The following DNAI3 variants were observed in gnomAD, a reference collection of about 807,000 sequenced individuals.
DNAI3 encodes dynein axonemal intermediate chain 3.
Under a neutral mutation model 115.5 loss-of-function variants are expected in DNAI3, and 83 were observed. The observed-to-expected ratio is 0.72, with a 90% CI of 0.60 to 0.86. DNAI3 has a LOEUF of 0.86. Among genes scored for constraint, DNAI3 ranks in the 40% least tolerant of loss-of-function variants. DNAI3 has a pLI of 0.00. For missense variants in DNAI3, 1,004 were observed against 1,075.8 expected, an observed-to-expected ratio of 0.93 and a Z score of 0.93; for synonymous variants, 320 against 347.0, an observed-to-expected ratio of 0.92 and a Z score of 0.86.
rs1386147824 is a variant in DNAI3, at chr1:85,097,649, A to G, written c.1344A>G (p.Thr448=). The G allele has an allele frequency of 1.2e-6, 2 of 1,610,430 alleles. No homozygotes were observed. The highest frequency in any genetic ancestry group is 2.2e-5 in the East Asian group (1 of 44,786). Reference sequence around the variant, plus strand: ...GTGGTAGTAGAAGTAAAAGAGCCACACTGAAGGTAAGCTTTTTACAACATT... The same window carrying G: ...GTGGTAGTAGAAGTAAAAGAGCCACGCTGAAGGTAAGCTTTTTACAACATT... The part of the protein sequence containing the change: ...KAGGSRSKRA[T]LKPMFLLEPE... Residue 448 remains threonine, a synonymous_variant, in exon 12 of 23, where the codon ACA becomes ACG. Transcript: ENST00000294664.
At chr1:85,124,077 A>G (rs1382575573) in intron 18 of DNAI3, 44 bp from the exon 19 acceptor site, 1 of 1,611,734 alleles carries the variant, frequency 6.2e-7, no homozygotes, top group Non-Finnish European at 8.5e-7. Flanking sequence ...CAGGAATGCA[A>G]ACAGTGTTAT....
intron 20 of DNAI3, among the ~76,000 whole-genome samples, chr1:85,128,125 C>CAAAAAAAA (rs11344833): frequency 4.2e-4 from 27 of 64,374 alleles, no homozygotes; most frequent in East Asian, 1.0e-3. Flanking sequence ...GACCCTGTCT[C>CAAAAAAAA]AAAAAAAAAA....
At chr1:85,117,622 G>C (rs1331372266) in intron 16 of DNAI3, 107 bp from the exon 17 acceptor site, 11 of 1,467,040 alleles carry the variant, frequency 7.5e-6, no homozygotes, top group Non-Finnish European at 9.3e-6. Flanking sequence ...ATTGGGAAGG[G>C]AATGGGGCAA....
At chr1:85,073,492 A>T (rs537813948) in intron 3 of DNAI3, among the ~76,000 whole-genome samples, 1 of 152,352 alleles carries the variant, frequency 6.6e-6, no homozygotes, top group African/African-American at 2.4e-5. Context: ...TAAGCAAATA[A>T]CTAGAACTTA....
At position 85,124,257 on chromosome 1, in the gene DNAI3, T is replaced by C. The variant is rs199612763; in HGVS notation, c.2112+6T>C. ...TATGGAAAGAAGGTGTTATGGTAAG[T>C]TGCCTGCAAAATGGAAGCATGAGTG... On this transcript the variant is annotated splice_donor_region_variant and intron_variant, in intron 19 of 22. Transcript: ENST00000294664. The C allele has an allele frequency of 1.5e-5, 2 of 137,764 alleles. No individual in the cohort carries two copies. The highest frequency in any genetic ancestry group is 2.1e-5 in the Non-Finnish European group (2 of 93,184). 8.5% of individuals were successfully genotyped at this position (137,764 alleles called of 1,614,324 possible).
At chr1:85,129,884 G>A in intron 21 of DNAI3, 106 bp from the exon 22 acceptor site, 1 of 1,307,516 alleles carries the variant, frequency 7.6e-7, no homozygotes, top group Non-Finnish European at 1.0e-6. Flanking sequence ...GGTAGATTAG[G>A]TAGGTCGTCT....
chr1:85,082,044 C>G (rs907728809), intron 4 of DNAI3, among the ~76,000 whole-genome samples: 6 of 152,172 alleles, frequency 3.9e-5, no homozygotes, highest in Admixed American at 1.3e-4. Context: ...CTACAGAGCA[C>G]AATACCAAAC....
intron 11 of DNAI3, among the ~76,000 whole-genome samples, chr1:85,096,511 TTATATATAAAGATTATATA>T (rs1557716057): frequency 8.1e-6 from 1 of 123,804 alleles, no homozygotes; most frequent in Non-Finnish European, 1.7e-5. Context: ...TATATAAAGA[TTATATATAAAGATTATATA>T]TATATATATG....
intron 1 of DNAI3, among the ~76,000 whole-genome samples, chr1:85,071,066 A>G (rs1371017173): frequency 3.3e-5 from 5 of 152,222 alleles, no homozygotes; most frequent in Non-Finnish European, 1.5e-5. Flanking sequence ...GTCAGAGATG[A>G]TTGAGTTGAT....
chr1:85,073,034 T>G lies in DNAI3; in HGVS notation c.65-20T>G, dbSNP rs778644864. The G allele has an allele frequency of 1.4e-6, 2 of 1,475,846 alleles. No homozygotes were observed. Among genetic ancestry groups the G allele is most frequent in the African/African-American group, 2.9e-5 (2 of 69,884 alleles). The allele number at this position is 1,475,846 out of a possible 1,614,324, so 91.4% of individuals were successfully genotyped here. A position where few individuals can be genotyped will look rare whatever the true frequency, so the allele number is the denominator to read the frequency against. ...TTTGATTCAAAAATGTAAATTTGAC[T>G]TCCTTTTATTATATTCTAGCTAGTG... On this transcript the variant is annotated intron_variant, in intron 2 of 22. Transcript: ENST00000294664.
intron 15 of DNAI3, 114 bp downstream of exon 15, chr1:85,108,291 C>A (rs1571188419): frequency 1.8e-6 from 2 of 1,126,756 alleles, no homozygotes; most frequent in Non-Finnish European, 2.4e-6. Flanking sequence ...CAGATTAACA[C>A]AAGACTGTAC....
intron 2 of DNAI3, 56 bp downstream of exon 2, chr1:85,072,061 A>C: frequency 1.3e-6 from 2 of 1,490,320 alleles, no homozygotes; most frequent in Non-Finnish European, 1.8e-6. Flanking sequence ...TGTATATATT[A>C]GCAGCAAAAT....
At chr1:85,072,975 G>C in intron 2 of DNAI3, 79 bp from the exon 3 acceptor site, 1 of 590,980 alleles carries the variant, frequency 1.7e-6, no homozygotes, top group African/African-American at 2.3e-5. Flanking sequence ...AAAAAAAAAA[G>C]AAGAAATAAA....
chr1:85,113,464 A>G (rs113908871), intron 16 of DNAI3, among the ~76,000 whole-genome samples: 14 of 152,314 alleles, frequency 9.2e-5, no homozygotes, highest in African/African-American at 2.9e-4. Context: ...TGAATACACC[A>G]TCCTCTTTCT....
At chr1:85,119,843 G>A (rs1405591471) in intron 17 of DNAI3, among the ~76,000 whole-genome samples, 3 of 152,172 alleles carry the variant, frequency 2.0e-5, no homozygotes, top group Admixed American at 6.5e-5. Context: ...AATTACAGGC[G>A]TGTGCCACCA....
intron 3 of DNAI3, among the ~76,000 whole-genome samples, chr1:85,079,078 G>A (rs2100563904): frequency 6.6e-6 from 1 of 152,290 alleles, no homozygotes; most frequent in Non-Finnish European, 1.5e-5. Context: ...CTTCTTTTCG[G>A]CACTAGCACA....
Position 85,084,692 on chromosome 1 carries a change from G to T in DNAI3, c.537G>T (p.Lys179Asn). The stretch of plus-strand genomic sequence containing the variant: ...AAGAATCAGTTACGGAATCTACAAA[G>T]CAGGTTAGAGGGTTATATATGATCT... ...IEEESVTESTKQITYMISRKR... is the reference protein window; with the variant it reads ...IEEESVTESTNQITYMISRKR... Residue 179 changes from lysine to asparagine, a missense_variant, in exon 6 of 23, where the codon AAG becomes AAT. Around this residue, in one of 3 missense-constraint regions of DNAI3, gnomAD observed 550 missense variants for 568.1 expected, o/e 0.97. Transcript: ENST00000294664. 6.6e-7 allele frequency: 1 copy of T among 1,515,586 alleles called. No individual in the cohort carries two copies. 93.9% of individuals were successfully genotyped at this position (1,515,586 alleles called of 1,614,324 possible). A position where few individuals can be genotyped will look rare whatever the true frequency, so the allele number is the denominator to read the frequency against.
intron 15 of DNAI3, among the ~76,000 whole-genome samples, chr1:85,108,989 T>C (rs915076455): frequency 7.2e-5 from 11 of 152,340 alleles, no homozygotes; most frequent in African/African-American, 2.2e-4. Context: ...GCCAAAATTC[T>C]GCCTATCAAA....
At chr1:85,094,043 A>C (rs1342196844) in intron 9 of DNAI3, 1 of 406,744 alleles carries the variant, frequency 2.5e-6, no homozygotes, top group Non-Finnish European at 4.7e-6. Flanking sequence ...AGAGCTCAGC[A>C]GCCAAGGGAG....
Sources: gnomAD v4.1 joint callset for allele counts (sites outside exome capture counted in the v4.1 genomes callset) on GRCh38, gnomAD v4.1.1 for gene constraint, gnomAD v4.1.1 regional missense constraint, MANE v1.5 for transcripts, NCBI Gene and HGNC (gene_info 2026-07-23, HGNC 2026-07-21) for gene names.